ERC1: variants seen among roughly 807,000 people sequenced by gnomAD.
The protein encoded by ERC1 is ELKS/RAB6-interacting/CAST family member 1, also known as RAB6 interacting protein 2.
A neutral mutation model predicts 132.0 loss-of-function variants in ERC1; 56 were observed. That is an observed-to-expected ratio of 0.42 (90% confidence interval 0.34 to 0.53). ERC1 has a LOEUF of 0.53. ERC1 is among the 20% of genes least tolerant of loss of function. The pLI is 0.03. For missense variants in ERC1, 1,202 were observed against 1,349.9 expected (o/e 0.89, Z 1.72); for synonymous variants, 478 against 476.1 (o/e 1.00, Z -0.05).
At position 1,400,937 on chromosome 12, in the gene ERC1, T is replaced by A. The variant is rs1314034497; in HGVS notation, c.2926-7212T>A. On this transcript the variant is annotated intron_variant, in intron 16 of 18. Coordinates refer to ENST00000360905, the MANE Select transcript of ERC1 (RefSeq NM_178040.4). ...TTGTATTTTTTTTTTTTTTTTTTTTTTTTTTTTTTTTTTTTTGTGACGGAG... is the reference window on the plus strand; with the variant it reads ...TTGTATTTTTTTTTTTTTTTTTTTTATTTTTTTTTTTTTTTTGTGACGGAG... 1.7e-4 allele frequency among the ~76,000 whole-genome samples: 18 copies of A among 105,106 alleles called. 2 individuals are homozygous for A. Among genetic ancestry groups the A allele is most frequent in the African/African-American group, 6.3e-4 (17 of 26,838 alleles). 69.0% of individuals were successfully genotyped at this position (105,106 alleles called of 152,430 possible).
intron 12 of ERC1, among the ~76,000 whole-genome samples, chr12:1,234,246 G>T (rs2075265558): frequency 6.6e-6 from 1 of 152,174 alleles, no homozygotes; most frequent in Admixed American, 6.5e-5. Context: ...CTTTTCCTGT[G>T]CTATTGGTAT....
intron 12 of ERC1, among the ~76,000 whole-genome samples, chr12:1,214,375 A>G (rs1243132753): frequency 6.6e-6 from 1 of 152,180 alleles, no homozygotes; most frequent in Non-Finnish European, 1.5e-5. Flanking sequence ...AAACATTTTG[A>G]ATAAGATGAT....
chr12:1,173,049 C>G (rs187159133), intron 8 of ERC1, among the ~76,000 whole-genome samples: 1 of 152,008 alleles, frequency 6.6e-6, no homozygotes, highest in Non-Finnish European at 1.5e-5. Flanking sequence ...TTTGGGGGTT[C>G]GTTTTATTCT....
chr12:1,440,018 A>G (rs2093059035), intron 17 of ERC1, among the ~76,000 whole-genome samples: 1 of 152,154 alleles, frequency 6.6e-6, no homozygotes, highest in Non-Finnish European at 1.5e-5. Flanking sequence ...GCAGTTTCAT[A>G]TGCTTTCACA....
chr12:1,433,201 A>AT (rs1418113032), intron 17 of ERC1, among the ~76,000 whole-genome samples: 8 of 152,248 alleles, frequency 5.3e-5, no homozygotes, highest in Non-Finnish European at 1.2e-4. Context: ...TAATTAAAAA[A>AT]TTTCCTGAGG....
At chr12:1,382,824 T>C (rs763468116) in intron 16 of ERC1, among the ~76,000 whole-genome samples, 2 of 152,216 alleles carry the variant, frequency 1.3e-5, no homozygotes, top group Non-Finnish European at 2.9e-5. Context: ...AGTATTATTT[T>C]ATTAAAAAAT....
intron 2 of ERC1, among the ~76,000 whole-genome samples, chr12:1,050,802 G>A (rs948432962): frequency 6.6e-6 from 1 of 151,962 alleles, no homozygotes; most frequent in Non-Finnish European, 1.5e-5. Flanking sequence ...TGAAGGAATC[G>A]AGACCATCCT....
intron 13 of ERC1, among the ~76,000 whole-genome samples, chr12:1,243,207 G>GA (rs528544729): frequency 0.089 from 12,412 of 138,800 alleles, 623 homozygotes; most frequent in Non-Finnish European, 0.12. Context: ...AAAAAAAAAA[G>GA]AAAAAAAAAA....
At chr12:1,051,005 A>G (rs951989712) in intron 2 of ERC1, among the ~76,000 whole-genome samples, 1 of 151,528 alleles carries the variant, frequency 6.6e-6, no homozygotes, top group African/African-American at 2.4e-5. Flanking sequence ...CTCAGTCTCA[A>G]AAAAAAAAGT....
At chr12:1,453,909 C>T (rs1006101823) in intron 18 of ERC1, among the ~76,000 whole-genome samples, 42 of 151,944 alleles carry the variant, frequency 2.8e-4, no homozygotes, top group African/African-American at 9.2e-4. Flanking sequence ...ATACACAGCT[C>T]CTGAAACTCT....
intron 16 of ERC1, among the ~76,000 whole-genome samples, chr12:1,373,048 G>A (rs939436980): frequency 1.3e-5 from 2 of 152,098 alleles, no homozygotes; most frequent in African/African-American, 4.8e-5. Context: ...ATGGATAGTT[G>A]ACCAGCAAAA....
At chr12:1,009,825 G>A (rs1007243763) in intron 1 of ERC1, among the ~76,000 whole-genome samples, 1 of 152,100 alleles carries the variant, frequency 6.6e-6, no homozygotes, top group Admixed American at 6.5e-5. Flanking sequence ...TGTGTTAAAT[G>A]CTTTATATGG....
intron 17 of ERC1, among the ~76,000 whole-genome samples, chr12:1,440,667 T>TGTGTGA (rs2093123292): frequency 2.9e-5 from 3 of 101,726 alleles, no homozygotes; most frequent in African/African-American, 7.9e-5. Flanking sequence ...TGTGTGTGTG[T>TGTGTGA]GATGGAGTCT....
intron 16 of ERC1, among the ~76,000 whole-genome samples, chr12:1,393,758 TGG>T (rs1441831733): frequency 6.6e-6 from 1 of 151,786 alleles, no homozygotes; most frequent in Non-Finnish European, 1.5e-5. Context: ...CCAGGCATGG[TGG>T]CTCATGCCTG....
rs573714443 is a variant in ERC1, at chr12:1,449,973, A to G, written c.3213+5223A>G. 1.4e-3 allele frequency among the ~76,000 whole-genome samples: 214 copies of G among 152,156 alleles called. 1 individual carries two copies. Among genetic ancestry groups the G allele is most frequent in the Non-Finnish European group, 2.6e-3 (179 of 68,002 alleles). On this transcript the variant is annotated intron_variant, in intron 18 of 18. Coordinates refer to ENST00000360905, the MANE Select transcript of ERC1 (RefSeq NM_178040.4). ...TTACAGTGTACAGTTTTACCTTATCATAGTCAAATTTTGAAAATATAGTAT... is the reference window on the plus strand; with the variant it reads ...TTACAGTGTACAGTTTTACCTTATCGTAGTCAAATTTTGAAAATATAGTAT...
chr12:1,136,754 A>G (rs1482818154), intron 7 of ERC1, among the ~76,000 whole-genome samples: 1 of 152,200 alleles, frequency 6.6e-6, no homozygotes, highest in East Asian at 1.9e-4. Flanking sequence ...ATTTACAAGT[A>G]TATCATGCTG....
In ERC1 at chr12:1,491,950, T is replaced by A. The variant is rs188391240; in HGVS notation, c.*1720T>A. ...AGTTGCTGGACTCGATGTTTTTGTT[T>A]TGCATTTTCTCCTCTCCTTCCCCAC... On this transcript the variant is annotated 3_prime_UTR_variant, in exon 19 of 19. Coordinates refer to ENST00000360905, the MANE Select transcript of ERC1 (RefSeq NM_178040.4). The A allele has an allele frequency of 4.3e-6, 1 of 232,780 alleles. No individual in the cohort carries two copies. The highest frequency in any genetic ancestry group is 6.0e-5 in the East Asian group (1 of 16,530). 14.4% of individuals were successfully genotyped at this position (232,780 alleles called of 1,614,324 possible). A position where few individuals can be genotyped will look rare whatever the true frequency, so the allele number is the denominator to read the frequency against.
At chr12:1,319,855 C>G (rs769502821) in intron 15 of ERC1, among the ~76,000 whole-genome samples, 1 of 152,040 alleles carries the variant, frequency 6.6e-6, no homozygotes, top group Non-Finnish European at 1.5e-5. Flanking sequence ...TTCAAAGTAC[C>G]TAAAGCTATG....
chr12:1,145,192 T>A (rs1175304054), intron 8 of ERC1, among the ~76,000 whole-genome samples: 1 of 152,068 alleles, frequency 6.6e-6, no homozygotes, highest in African/African-American at 2.4e-5. Flanking sequence ...AATTTTTGCA[T>A]TTTTAGTCGA....
Sources: allele counts gnomAD v4.1 joint callset (sites outside exome capture counted in the v4.1 genomes callset), GRCh38; gene constraint gnomAD v4.1.1; transcripts MANE v1.5; gene names NCBI Gene and HGNC (gene_info 2026-07-23, HGNC 2026-07-21).